The following BBS9 variants were observed in gnomAD, a reference collection of about 807,000 sequenced individuals.
The protein encoded by BBS9 is protein PTHB1.
Under a neutral mutation model 117.7 loss-of-function variants are expected in BBS9, and 89 were observed. That is an observed-to-expected ratio of 0.76 (90% confidence interval 0.64 to 0.90). The LOEUF is 0.90. Among genes scored for constraint, BBS9 ranks in the 40% least tolerant of loss-of-function variants. The probability of loss-of-function intolerance (pLI) is 0.00; values close to 1 mark genes in which losing one functional copy is unlikely to be tolerated. For synonymous variants in BBS9, 379 were observed against 370.9 expected (o/e 1.02, Z -0.25); for missense variants, 982 against 1,042.2 (o/e 0.94, Z 0.80).
chr7:33,308,562 G>A (rs1808509434), intron 9 of BBS9, among the ~76,000 whole-genome samples: 2 of 152,088 alleles, frequency 1.3e-5, no homozygotes, highest in South Asian at 2.1e-4. Flanking sequence ...TGTTTGTAGA[G>A]GTATAGGAGA....
intron 21 of BBS9, among the ~76,000 whole-genome samples, chr7:33,552,713 A>T (rs1470582840): frequency 6.6e-6 from 1 of 152,198 alleles, no homozygotes; most frequent in Non-Finnish European, 1.5e-5. Flanking sequence ...ATCTCATCTC[A>T]AACTGTGCAG....
At chr7:33,465,164 G>T (rs564865995) in intron 19 of BBS9, among the ~76,000 whole-genome samples, 54 of 151,688 alleles carry the variant, frequency 3.6e-4, no homozygotes, top group African/African-American at 1.2e-3. Flanking sequence ...GTAGAGATGG[G>T]ATCTGTGGTA....
rs573239441 is a variant in BBS9 at position 33,546,780 on chromosome 7, T to C, written c.2521+12604T>C. Among the ~76,000 whole-genome samples, 12 of 152,342 alleles carry C rather than the reference T, an allele frequency of 7.9e-5. No individual in the cohort carries two copies. The East Asian group carries it at 2.1e-3, about 27-fold the overall frequency. On this transcript the variant is annotated intron_variant, in intron 21 of 22. Coordinates refer to ENST00000242067, the MANE Select transcript of BBS9 (RefSeq NM_198428.3). Reference sequence around the variant, plus strand: ...AAATGATGTTCCACAACGCATTCCCTGGTCCTCCTCCTGGAACTGCTAGTA... The same window carrying C: ...AAATGATGTTCCACAACGCATTCCCCGGTCCTCCTCCTGGAACTGCTAGTA...
chr7:33,551,712 A>G (rs946225264), intron 21 of BBS9, among the ~76,000 whole-genome samples: 2 of 152,186 alleles, frequency 1.3e-5, no homozygotes, highest in Non-Finnish European at 2.9e-5. Context: ...GTCAATATAC[A>G]GGGAAACAAA....
At chr7:33,574,467 T>C (rs543034785) in intron 21 of BBS9, among the ~76,000 whole-genome samples, 1 of 152,052 alleles carries the variant, frequency 6.6e-6, no homozygotes, top group Non-Finnish European at 1.5e-5. Flanking sequence ...AGAAGCTAAG[T>C]AACTCATTCA....
chr7:33,343,470 C>T (rs367804544), intron 11 of BBS9, among the ~76,000 whole-genome samples: 6 of 152,196 alleles, frequency 3.9e-5, no homozygotes, highest in African/African-American at 4.8e-5. Flanking sequence ...AAAAAAGTTT[C>T]CCTTCCCTTC....
At position 33,348,294 on chromosome 7, in the gene BBS9, G is replaced by A. The variant is rs1346405732; in HGVS notation, c.1330-774G>A. ...TTTCACTTAGCATCATGTTTTCAAG[G>A]TTCACCCATGTTGTGGCATGTAAAT... On this transcript the variant is annotated intron_variant, in intron 12 of 22. Coordinates refer to ENST00000242067, the MANE Select transcript of BBS9 (RefSeq NM_198428.3). Among the ~76,000 whole-genome samples, 4 of 152,070 alleles carry A rather than the reference G, an allele frequency of 2.6e-5. No individual in the cohort carries two copies. The East Asian group carries it at 7.7e-4, about 29-fold the overall frequency.
chr7:33,263,010 T>A (rs1313252084), intron 6 of BBS9, among the ~76,000 whole-genome samples: 4 of 152,224 alleles, frequency 2.6e-5, no homozygotes, highest in Non-Finnish European at 5.9e-5. Context: ...TGAGTATAGA[T>A]TATGTAGTAG....
At chr7:33,494,170 C>T (rs1322024173) in intron 19 of BBS9, among the ~76,000 whole-genome samples, 3 of 151,820 alleles carry the variant, frequency 2.0e-5, no homozygotes, top group Admixed American at 1.3e-4. Context: ...TGACAATGTC[C>T]GGAGACATTT....
chr7:33,531,220 G>A (rs1585149119), intron 20 of BBS9, among the ~76,000 whole-genome samples: 3 of 152,186 alleles, frequency 2.0e-5, no homozygotes, highest in African/African-American at 7.2e-5. Flanking sequence ...ACTCTAGCCT[G>A]GGCAACAAGA....
At chr7:33,189,004 A>T (rs76669250) in intron 5 of BBS9, among the ~76,000 whole-genome samples, 1 of 151,972 alleles carries the variant, frequency 6.6e-6, no homozygotes, top group Admixed American at 6.6e-5. Context: ...ACCTGAATAC[A>T]TTTTTACTTT....
intron 9 of BBS9, among the ~76,000 whole-genome samples, chr7:33,285,878 CT>C (rs1259545987): frequency 6.6e-6 from 1 of 151,846 alleles, no homozygotes; most frequent in Non-Finnish European, 1.5e-5. Flanking sequence ...AGTTAGATAT[CT>C]TCTGCTTGGC....
intron 4 of BBS9, among the ~76,000 whole-genome samples, chr7:33,167,024 A>C (rs1795811559): frequency 1.3e-5 from 2 of 152,168 alleles, no homozygotes; most frequent in Non-Finnish European, 2.9e-5. Context: ...CAATTAATAC[A>C]TTTTTAATTT....
chr7:33,508,086 T>C (rs776995290), intron 20 of BBS9, among the ~76,000 whole-genome samples: 20 of 152,264 alleles, frequency 1.3e-4, no homozygotes, highest in Non-Finnish European at 2.6e-4. Flanking sequence ...AATTTATATT[T>C]TGTAGCTTGT....
intron 21 of BBS9, among the ~76,000 whole-genome samples, chr7:33,562,456 C>T (rs1172468590): frequency 6.6e-6 from 1 of 152,176 alleles, no homozygotes; most frequent in South Asian, 2.1e-4. Context: ...AAGTTTCAAT[C>T]TGCAGACAAA....
chr7:33,202,842 C>G (rs1426147018), intron 5 of BBS9, among the ~76,000 whole-genome samples: 1 of 152,166 alleles, frequency 6.6e-6, no homozygotes. Context: ...CAACATGGCT[C>G]TCCTGTTATC....
intron 5 of BBS9, among the ~76,000 whole-genome samples, chr7:33,185,456 A>AT (rs969810527): frequency 2.0e-5 from 3 of 152,122 alleles, no homozygotes; most frequent in Non-Finnish European, 4.4e-5. Flanking sequence ...CTTGTAAAAT[A>AT]TTTTTTTCCA....
chr7:33,497,442 A>C (rs570201110), intron 19 of BBS9, among the ~76,000 whole-genome samples: 1 of 152,304 alleles, frequency 6.6e-6, no homozygotes, highest in Non-Finnish European at 1.5e-5. Flanking sequence ...GGGTCTTATC[A>C]GCTGATATTT....
intron 4 of BBS9, among the ~76,000 whole-genome samples, chr7:33,173,092 T>C (rs1489669511): frequency 6.6e-6 from 1 of 152,190 alleles, no homozygotes; most frequent in Non-Finnish European, 1.5e-5. Context: ...GTTTCTTAAC[T>C]AAAATTACTG....
Sources: allele counts gnomAD v4.1 joint callset (sites outside exome capture counted in the v4.1 genomes callset), GRCh38; gene constraint gnomAD v4.1.1; transcripts MANE v1.5; gene names NCBI Gene and HGNC (gene_info 2026-07-23, HGNC 2026-07-21).